WDR35: variants seen among roughly 807,000 people sequenced by gnomAD.
WDR35 encodes the protein WD repeat domain 35.
WDR35 carries 118 observed loss-of-function variants against 158.3 expected under a neutral mutation model. That is an observed-to-expected ratio of 0.75 (90% CI 0.64 to 0.87). The LOEUF (loss-of-function observed/expected upper bound fraction) is 0.87. WDR35 is among the 40% of genes least tolerant of loss of function. The pLI is 0.00. For missense variants in WDR35, 1,263 were observed against 1,405.8 expected, an observed-to-expected ratio of 0.90 and a Z score of 1.62; for synonymous variants, 448 against 476.1, an observed-to-expected ratio of 0.94 and a Z score of 0.77.
chr2:19,920,031 G>T (rs566853171), intron 25 of WDR35, among the ~76,000 whole-genome samples: 10 of 152,252 alleles, frequency 6.6e-5, no homozygotes, highest in African/African-American at 2.4e-4. Context: ...ACTAAACCAG[G>T]AAGAAGTCGA....
At chr2:19,974,699 A>T in intron 6 of WDR35, 66 bp from the exon 7 acceptor site, 8 of 1,401,988 alleles carry the variant, frequency 5.7e-6, no homozygotes, top group Non-Finnish European at 7.9e-6. Flanking sequence ...GACAATACTC[A>T]ATAGAGTATT....
intron 8 of WDR35, among the ~76,000 whole-genome samples, chr2:19,972,814 G>T (rs1358657885): frequency 6.6e-6 from 1 of 151,354 alleles, no homozygotes; most frequent in Non-Finnish European, 1.5e-5. Flanking sequence ...AAGCCAACAG[G>T]GTATTCAAAA....
intron 25 of WDR35, among the ~76,000 whole-genome samples, chr2:19,917,303 G>C (rs1670020703): frequency 6.6e-6 from 1 of 152,160 alleles, no homozygotes; most frequent in African/African-American, 2.4e-5. Context: ...GAGCAAAAAG[G>C]CTGAAAATTC....
chr2:19,925,427 G>A (rs1272535598), intron 25 of WDR35, among the ~76,000 whole-genome samples: 1 of 152,150 alleles, frequency 6.6e-6, no homozygotes, highest in African/African-American at 2.4e-5. Context: ...AGCTTACTGG[G>A]TAAATCAAAT....
In WDR35 at chr2:19,937,091, A is replaced by G. The variant is rs77206974; in HGVS notation, c.2267+652T>C. 6.0e-3 allele frequency among the ~76,000 whole-genome samples: 917 copies of G among 152,334 alleles called. 35 individuals carry two copies. The highest frequency in any genetic ancestry group is 0.043 in the East Asian group (221 of 5,184). On this transcript the variant is annotated intron_variant, in intron 19 of 26. Transcript: ENST00000281405. The stretch of plus-strand genomic sequence containing the variant: ...GACTTTTCAGAGCCTAAGTCATATT[A>G]GAGATCTCCTGGGAGTATAAATAAC...
At chr2:19,964,139 C>A (rs1671757423) in intron 10 of WDR35, among the ~76,000 whole-genome samples, 1 of 152,124 alleles carries the variant, frequency 6.6e-6, no homozygotes, top group Non-Finnish European at 1.5e-5. Flanking sequence ...CACTTATGAT[C>A]CTTGACGTTA....
At chr2:19,956,908 C>T (rs796404314) in intron 11 of WDR35, among the ~76,000 whole-genome samples, 25 of 152,226 alleles carry the variant, frequency 1.6e-4, no homozygotes, top group African/African-American at 5.5e-4. Flanking sequence ...CGTGAGCCAC[C>T]GCGCCCGGCC....
rs1283272400 is a variant in WDR35, at chr2:19,911,963, G to A, written c.*1595C>T. 1 of 152,134 alleles carries A rather than the reference G, an allele frequency of 6.6e-6. No individual in the cohort carries two copies. Among genetic ancestry groups the A allele is most frequent in the African/African-American group, 2.4e-5 (1 of 41,390 alleles). 9.4% of individuals were successfully genotyped at this position (152,134 alleles called of 1,614,324 possible). A position where few individuals can be genotyped will look rare whatever the true frequency, so the allele number is the denominator to read the frequency against. On this transcript the variant is annotated 3_prime_UTR_variant, in exon 27 of 27. Coordinates refer to ENST00000281405, the MANE Select transcript of WDR35 (RefSeq NM_020779.4). ...CCCCTGACACCCTTCTATAGAGCAA[G>A]TGTACATCGTTGGCCTCAGGCACAT...
At chr2:19,949,489 G>A (rs181178899) in intron 13 of WDR35, among the ~76,000 whole-genome samples, 333 of 152,292 alleles carry the variant, frequency 2.2e-3, no homozygotes, top group African/African-American at 7.3e-3. Flanking sequence ...TGTACTGTTC[G>A]ATATGGTAGC....
At position 19,934,920 on chromosome 2, in the gene WDR35, G is replaced by A. The variant is rs1345976933; in HGVS notation, c.2547+551C>T. 6.5e-6 allele frequency: 1 copy of A among 152,814 alleles called. No homozygotes were observed. The highest frequency in any genetic ancestry group is 1.5e-5 in the Non-Finnish European group (1 of 68,624). 9.5% of individuals were successfully genotyped at this position (152,814 alleles called of 1,614,324 possible). A position where few individuals can be genotyped will look rare whatever the true frequency, so the allele number is the denominator to read the frequency against. On this transcript the variant is annotated intron_variant, in intron 21 of 26. Transcript: ENST00000281405. The surrounding 1 kb of genome is among the most constrained non-coding windows in gnomAD (Gnocchi z 4.6). ...GAGAGCTGCTAGCTCTACAAGTATT[G>A]TACGGCTCAGTGATTCACATATTAA... is the stretch of plus-strand genomic sequence containing the variant.
intron 5 of WDR35, among the ~76,000 whole-genome samples, chr2:19,976,323 GAA>G (rs1259220539): frequency 6.6e-6 from 1 of 151,956 alleles, no homozygotes; most frequent in Non-Finnish European, 1.5e-5. Context: ...CAAACTTCAT[GAA>G]AGAGTTCTTC....
chr2:19,974,029 C>T (rs541906182), intron 7 of WDR35, among the ~76,000 whole-genome samples: 26 of 152,100 alleles, frequency 1.7e-4, no homozygotes, highest in African/African-American at 6.0e-4. Context: ...GCCTGGGAGG[C>T]CAAGGCTGCA....
intron 25 of WDR35, among the ~76,000 whole-genome samples, chr2:19,925,707 G>C (rs191286163): frequency 1.8e-4 from 27 of 152,272 alleles, no homozygotes; most frequent in Admixed American, 1.8e-3. Context: ...ATGGGGGAGA[G>C]ATTTATTGCA....
At chr2:19,935,371 A>T (rs1330635878) in intron 21 of WDR35, 100 bp downstream of exon 21, 5 of 1,327,242 alleles carry the variant, frequency 3.8e-6, no homozygotes, top group Non-Finnish European at 5.2e-6. Flanking sequence ...AACATTATAG[A>T]TTTTTAATTT....
At position 19,935,583 on chromosome 2, in the gene WDR35, T is replaced by A. The variant is rs1221010812; in HGVS notation, c.2435A>T (p.Tyr812Phe). 6.2e-7 allele frequency: 1 copy of A among 1,612,700 alleles called. No homozygotes were observed. Among genetic ancestry groups the A allele is most frequent in the Admixed American group, 1.7e-5 (1 of 59,922 alleles). The stretch of plus-strand genomic sequence containing the variant: ...GCGTTCCTGGTTCCGTCCTTGTACA[T>A]AATATTGTACAGCATTCAACCTACA... ...RQKWLNAVQYYVQGRNQERLA... is the reference protein window; with the variant it reads ...RQKWLNAVQYFVQGRNQERLA... Residue 812 changes from tyrosine to phenylalanine, a missense_variant, in exon 21 of 27, where the codon TAT becomes TTT. Tyr to Phe is a conservative substitution (Grantham distance 22, BLOSUM62 3). Transcript: ENST00000281405.
intron 2 of WDR35, among the ~76,000 whole-genome samples, chr2:19,985,621 C>T (rs1005529271): frequency 2.0e-5 from 3 of 150,570 alleles, no homozygotes; most frequent in Non-Finnish European, 4.4e-5. Flanking sequence ...CAGTGGCTCA[C>T]GCCTGTAACC....
Position 19,931,341 on chromosome 2 carries a change from G to A in WDR35, c.2892C>T (p.Ala964=). Residue 964 remains alanine (A), a synonymous_variant, in exon 24 of 27, where the codon GCC becomes GCT. Coordinates refer to ENST00000281405, the MANE Select transcript of WDR35 (RefSeq NM_020779.4). ...LRVKKLYVLS[A]LLIEQYHEQM... is the part of the protein sequence containing the mutation. ...GTTCATGGTATTGCTCTATAAGTAA[G>A]GCTGACAGTACATAGAGCTTCTTGA... 6.2e-7 allele frequency: 1 copy of A among 1,613,180 alleles called. No individual in the cohort carries two copies.
intron 2 of WDR35, among the ~76,000 whole-genome samples, chr2:19,986,783 T>C (rs1672579548): frequency 6.6e-6 from 1 of 152,210 alleles, no homozygotes; most frequent in Admixed American, 6.5e-5. Context: ...TTCTAATTCC[T>C]TTCCTTCTAG....
At chr2:19,957,663 C>T (rs771004352) in intron 11 of WDR35, among the ~76,000 whole-genome samples, 3 of 151,998 alleles carry the variant, frequency 2.0e-5, no homozygotes, top group Non-Finnish European at 2.9e-5. Flanking sequence ...AGCGATTCTC[C>T]TGCCACAGCC....
Sources: allele counts gnomAD v4.1 joint callset (sites outside exome capture counted in the v4.1 genomes callset), GRCh38; gene constraint gnomAD v4.1.1; non-coding constraint Gnocchi (gnomAD v3.1); transcripts MANE v1.5; gene names NCBI Gene and HGNC (gene_info 2026-07-23, HGNC 2026-07-21).